LRIG3: variants seen among roughly 807,000 people sequenced by gnomAD.
LRIG3 encodes leucine-rich repeats and immunoglobulin-like domains protein 3.
Under a neutral mutation model 114.5 loss-of-function variants are expected in LRIG3, and 76 were observed. The ratio of observed to expected loss-of-function variants is 0.66; its 90% CI spans 0.55 to 0.80. The LOEUF (loss-of-function observed/expected upper bound fraction) is 0.80, where lower values mean the gene tolerates loss of function less well. Among genes scored for constraint, LRIG3 ranks in the 30% least tolerant of loss-of-function variants. LRIG3 has a pLI of 0.00. For missense variants in LRIG3, 1,239 were observed against 1,382.8 expected, an observed-to-expected ratio of 0.90 and a Z score of 1.65; for synonymous variants, 512 against 519.8, an observed-to-expected ratio of 0.98 and a Z score of 0.20.
chr12:58,877,565 C>T lies in LRIG3; in HGVS notation c.2371G>A (p.Asp791Asn), dbSNP rs374809193. The change falls in exon 15 of 19, where the codon GAC becomes AAC. Residue 791 changes from aspartate (D) to asparagine (N), a missense_variant. By Grantham distance (23) the Asp-to-Asn change is conservative. Coordinates refer to ENST00000320743, the MANE Select transcript of LRIG3 (RefSeq NM_153377.5). ...GATGGGGCTGTCATCTGAGGGGAGTCGCAGGTTGGAGTGGGGATCACACTG... is the reference window on the plus strand; with the variant it reads ...GATGGGGCTGTCATCTGAGGGGAGTTGCAGGTTGGAGTGGGGATCACACTG... ...RLSVIPTPTC[D>N]SPQMTAPSLD... 21 of 1,614,070 alleles carry T rather than the reference C, an allele frequency of 1.3e-5. No homozygotes were observed. The African/African-American group carries it at 1.5e-4, about 11-fold the overall frequency.
intron 3 of LRIG3, among the ~76,000 whole-genome samples, chr12:58,892,258 C>T (rs186368709): frequency 6.6e-6 from 1 of 152,088 alleles, no homozygotes; most frequent in Non-Finnish European, 1.5e-5. Context: ...GAAAGGATAC[C>T]TACAAATCAT....
chr12:58,879,278 T>G (rs1871038077), intron 13 of LRIG3, among the ~76,000 whole-genome samples, 173 bp from the exon 14 acceptor site: 1 of 152,218 alleles, frequency 6.6e-6, no homozygotes, highest in Admixed American at 6.5e-5. Flanking sequence ...GATGGAAAGA[T>G]TAAAAGGCTT....
At chr12:58,900,666 T>C (rs1191423174) in intron 3 of LRIG3, among the ~76,000 whole-genome samples, 1 of 152,246 alleles carries the variant, frequency 6.6e-6, no homozygotes, top group South Asian at 2.1e-4. Context: ...GAATTTTCAC[T>C]TCAGATGATA....
intron 3 of LRIG3, among the ~76,000 whole-genome samples, chr12:58,901,968 A>C (rs745986933): frequency 3.9e-5 from 6 of 152,238 alleles, no homozygotes; most frequent in Non-Finnish European, 7.3e-5. Context: ...AGAATTATGC[A>C]ACAACGCACT....
chr12:58,914,086 A>G (rs1164934185), intron 2 of LRIG3, 30 bp from the exon 3 acceptor site: 1 of 1,584,790 alleles, frequency 6.3e-7, no homozygotes, highest in Non-Finnish European at 8.6e-7. Flanking sequence ...AAAGAAAAAG[A>G]AAAGCTGATT....
chr12:58,909,101 C>T (rs61921899), intron 3 of LRIG3, among the ~76,000 whole-genome samples: 11,163 of 152,180 alleles, frequency 0.073, 642 homozygotes, highest in East Asian at 0.19. Context: ...TTCTCTACAT[C>T]CCCATTTAAA....
In LRIG3 at chr12:58,877,774, C is replaced by T; in HGVS notation, c.2162G>A (p.Gly721Glu). The change falls in exon 15 of 19, where the codon GGA becomes GAA. Residue 721 changes from glycine to glutamate, a missense_variant. Physicochemically the swap from Gly to Glu is moderately conservative, Grantham distance 98. Transcript: ENST00000320743. ...GETAVLQCIA[G>E]GSPPPKLNWT... is the part of the protein sequence containing the mutation. ...GTTCAGTTTAGGGGGAGGGCTTCCTCCAGCAATGCACTGTAGGACGGCTGT... is the reference window on the plus strand; with the variant it reads ...GTTCAGTTTAGGGGGAGGGCTTCCTTCAGCAATGCACTGTAGGACGGCTGT... 1 of 1,614,192 alleles carries T rather than the reference C, an allele frequency of 6.2e-7. No individual in the cohort carries two copies.
At chr12:58,892,876 T>C (rs1422382432) in intron 3 of LRIG3, among the ~76,000 whole-genome samples, 4 of 152,230 alleles carry the variant, frequency 2.6e-5, no homozygotes, top group Non-Finnish European at 5.9e-5. Flanking sequence ...TTTCACAGAA[T>C]ACAGAGTATG....
In LRIG3 at chr12:58,880,668, C is replaced by T; in HGVS notation, c.1714G>A (p.Glu572Lys). The change falls in exon 13 of 19, where the codon GAA (glutamate) becomes AAA (lysine). Residue 572 changes from glutamate to lysine, a missense_variant. By Grantham distance (56) the Glu-to-Lys change is moderately conservative. Coordinates refer to ENST00000320743, the MANE Select transcript of LRIG3 (RefSeq NM_153377.5). ...TGATATTTCCCCTCACTGGCAAATT[C>T]CACCTCGCGCAGCCGAAGGATGGTG... ...YTTILRLREVEFASEGKYQCV... is the reference protein window; with the variant it reads ...YTTILRLREVKFASEGKYQCV... The T allele has an allele frequency of 6.2e-7, 1 of 1,614,210 alleles. No individual in the cohort carries two copies.
At chr12:58,890,507 G>C (rs911022882) in intron 4 of LRIG3, among the ~76,000 whole-genome samples, 158 bp downstream of exon 4, 1 of 152,136 alleles carries the variant, frequency 6.6e-6, no homozygotes, top group South Asian at 2.1e-4. Context: ...AGAATAAACT[G>C]AAGATTGTGG....
At chr12:58,881,002 G>T in intron 12 of LRIG3, 101 bp from the exon 13 acceptor site, 1 of 1,124,746 alleles carries the variant, frequency 8.9e-7, no homozygotes, top group Non-Finnish European at 1.3e-6. Flanking sequence ...AGTGGCTTAG[G>T]TTTTACCCTT....
chr12:58,902,783 T>C (rs934497048), intron 3 of LRIG3, among the ~76,000 whole-genome samples: 15 of 140,786 alleles, frequency 1.1e-4, no homozygotes, highest in South Asian at 4.7e-4. Flanking sequence ...TGTGTTCTCA[T>C]TGTTCAATTC....
In LRIG3 at chr12:58,887,920, G is replaced by A; in HGVS notation, c.960C>T (p.Phe320=). The stretch of plus-strand genomic sequence containing the variant: ...AATCATCTAACCTTGATAAGTGATT[G>A]AAAGTTAGGTCCCTGTAAAGAAAAA... ...CQKLSELDLT[F]NHLSRLDDSS... The change falls in exon 8 of 19, where the codon TTC becomes TTT. Residue 320 remains phenylalanine (F), a synonymous_variant. Coordinates refer to ENST00000320743, the MANE Select transcript of LRIG3 (RefSeq NM_153377.5). The A allele has an allele frequency of 6.2e-7, 1 of 1,612,416 alleles. No individual in the cohort carries two copies. Among genetic ancestry groups the A allele is most frequent in the Non-Finnish European group, 8.5e-7 (1 of 1,179,240 alleles).
rs974852551 is a variant in LRIG3 at position 58,887,792 on chromosome 12, G to C, written c.1088C>G (p.Thr363Ser). ...GACAGCAAAACGTGTAACTTACAAAGTCTTTAAACTGGAAAGCCCCCGGAA... is the reference window on the plus strand; with the variant it reads ...GACAGCAAAACGTGTAACTTACAAACTCTTTAAACTGGAAAGCCCCCGGAA... ...CAFRGLSSLK[T>S]LDLKNNEISW... is the part of the protein sequence containing the mutation. The change falls in exon 8 of 19, where the codon ACT (threonine) becomes AGT (serine). Residue 363 changes from threonine (T) to serine (S), a missense_variant. Thr to Ser is a moderately conservative substitution (Grantham distance 58). Transcript: ENST00000320743. 1.2e-6 allele frequency: 2 copies of C among 1,613,266 alleles called. No homozygotes were observed. The highest frequency in any genetic ancestry group is 2.7e-5 in the African/African-American group (2 of 74,860).
chr12:58,892,043 A>G (rs565500464), intron 3 of LRIG3, among the ~76,000 whole-genome samples: 1 of 145,666 alleles, frequency 6.9e-6, no homozygotes, highest in Non-Finnish European at 1.5e-5. Flanking sequence ...AAACAAACAG[A>G]AAAAAAAAAA....
Position 58,920,134 on chromosome 12 carries a change from T to C in LRIG3, c.102A>G (p.Glu34=). 6.5e-7 allele frequency: 1 copy of C among 1,544,488 alleles called. No individual in the cohort carries two copies. Among genetic ancestry groups the C allele is most frequent in the East Asian group, 2.4e-5 (1 of 41,046 alleles). The change falls in exon 1 of 19, where the codon GAA becomes GAG. Residue 34 remains glutamate (E), a synonymous_variant. Transcript: ENST00000320743. Reference sequence around the variant, plus strand: ...CGGCTACCCCAGAGGGCTGCCCGAGTTCCCCGCGACCGCCGCTGTCTGACC... The same window carrying C: ...CGGCTACCCCAGAGGGCTGCCCGAGCTCCCCGCGACCGCCGCTGTCTGACC... ...AGRSDSGGRG[E]LGQPSGVAAE...
At chr12:58,903,681 G>A (rs1871953558) in intron 3 of LRIG3, among the ~76,000 whole-genome samples, 1 of 151,796 alleles carries the variant, frequency 6.6e-6, no homozygotes, top group African/African-American at 2.4e-5. Context: ...TTTTCTTCTA[G>A]GGTTTTTATG....
At position 58,889,986 on chromosome 12, in the gene LRIG3, T is replaced by C; in HGVS notation, c.659+10A>G. 1 of 1,612,908 alleles carries C rather than the reference T, an allele frequency of 6.2e-7. No homozygotes were observed. The highest frequency in any genetic ancestry group is 8.5e-7 in the Non-Finnish European group (1 of 1,179,322). ...GTGAGAAACAGTATCTAAGAGGACA[T>C]TTTACTTACAGATGTTGCAGTTGGG... is the stretch of plus-strand genomic sequence containing the variant. On this transcript the variant is annotated intron_variant, in intron 5 of 18. Transcript: ENST00000320743.
At chr12:58,885,232 TG>T (rs1005202464) in intron 10 of LRIG3, among the ~76,000 whole-genome samples, 5 of 152,030 alleles carry the variant, frequency 3.3e-5, no homozygotes, top group Non-Finnish European at 2.9e-5. Context: ...AAGAGAACAA[TG>T]GTAAGGGGGG....
Sources: gnomAD v4.1 joint callset for allele counts (sites outside exome capture counted in the v4.1 genomes callset) on GRCh38, gnomAD v4.1.1 for gene constraint, MANE v1.5 for transcripts, NCBI Gene and HGNC (gene_info 2026-07-23, HGNC 2026-07-21) for gene names.